Variants in EIF3A observed in about 807,000 individuals in gnomAD.
The protein encoded by EIF3A is eukaryotic translation initiation factor 3 subunit A, also known as EIF3, p180 subunit.
Under a neutral mutation model 186.6 loss-of-function variants are expected in EIF3A, and 21 were observed. That is an observed-to-expected ratio of 0.11 (90% confidence interval 0.08 to 0.16). The LOEUF is 0.16. Among genes scored for constraint, EIF3A ranks in the 10% least tolerant of loss-of-function variants. EIF3A has a pLI of 1.00. For synonymous variants in EIF3A, 563 were observed against 584.3 expected, an observed-to-expected ratio of 0.96 and a Z score of 0.52; for missense variants, 1,306 against 1,796.3, an observed-to-expected ratio of 0.73 and a Z score of 4.93.
chr10:119,080,644 G>A lies in EIF3A; in HGVS notation c.33C>T (p.Ala11=). The change falls in exon 1 of 22, where the codon GCC becomes GCT. Residue 11 remains alanine (A), a synonymous_variant. Transcript: ENST00000369144. The stretch of plus-strand genomic sequence containing the variant: ...GCTACTCACCGTTGGCGCGTTTGAG[G>A]GCATTTTCCGGCCTCTGAAAATAGG... MPAYFQRPEN[A]LKRANEFLEV... is the part of the protein sequence containing the mutation. The A allele has an allele frequency of 1.3e-6, 2 of 1,595,820 alleles. No homozygotes were observed. Among genetic ancestry groups the A allele is most frequent in the Non-Finnish European group, 1.7e-6 (2 of 1,172,602 alleles).
chr10:119,051,038 G>T (rs1185529681), intron 15 of EIF3A, among the ~76,000 whole-genome samples, 161 bp downstream of exon 15: 1 of 152,144 alleles, frequency 6.6e-6, no homozygotes, highest in Non-Finnish European at 1.5e-5. Flanking sequence ...CAATTTTGAT[G>T]ATTGTTTTGC....
At chr10:119,047,141 G>C (rs1339811332) in intron 17 of EIF3A, among the ~76,000 whole-genome samples, 1 of 152,012 alleles carries the variant, frequency 6.6e-6, no homozygotes, top group East Asian at 1.9e-4. Context: ...GGTGGCACAC[G>C]CCAGTAATCC....
intron 1 of EIF3A, among the ~76,000 whole-genome samples, chr10:119,074,428 G>A (rs1844124275): frequency 6.6e-6 from 1 of 151,804 alleles, no homozygotes. Context: ...TCGCACCATT[G>A]CACTCCAGCC....
intron 17 of EIF3A, among the ~76,000 whole-genome samples, chr10:119,045,806 G>T (rs966462298): frequency 3.9e-5 from 6 of 152,076 alleles, no homozygotes; most frequent in Admixed American, 1.3e-4. Context: ...CAAGCGATCC[G>T]CTTGCCTGCC....
chr10:119,037,731 TAATAA>T (rs1848152453), intron 20 of EIF3A, among the ~76,000 whole-genome samples: 1 of 152,078 alleles, frequency 6.6e-6, no homozygotes. Context: ...CTTCTACTAC[TAATAA>T]AATCAAAGGG....
At chr10:119,039,462 G>A (rs1052583519) in intron 19 of EIF3A, among the ~76,000 whole-genome samples, 1 of 152,066 alleles carries the variant, frequency 6.6e-6, no homozygotes, top group Non-Finnish European at 1.5e-5. Flanking sequence ...CTGGAGCCCA[G>A]GAGTTCAAGA....
intron 1 of EIF3A, among the ~76,000 whole-genome samples, chr10:119,075,927 C>T (rs534138259): frequency 1.5e-5 from 2 of 129,594 alleles, no homozygotes; most frequent in Admixed American, 8.5e-5. Flanking sequence ...GGGGTTTCAC[C>T]GTGTTAGCCA....
intron 15 of EIF3A, 80 bp from the exon 16 acceptor site, chr10:119,050,754 CAA>C: frequency 1.4e-6 from 2 of 1,471,904 alleles, no homozygotes; most frequent in Middle Eastern, 1.7e-4. Context: ...ATTAGGTTTA[CAA>C]AAGACTCTCA....
chr10:119,042,911 G>A lies in EIF3A; in HGVS notation c.2748-139C>T, dbSNP rs1320286044. ...CTCGCACCTTTAATCCCAGCACTCT[G>A]GGAAGCAGAGGCAGGCAGATCACCT... On this transcript the variant is annotated intron_variant, in intron 18 of 21. Coordinates refer to ENST00000369144, the MANE Select transcript of EIF3A (RefSeq NM_003750.4). The surrounding 1 kb of genome is among the most constrained non-coding windows in gnomAD (Gnocchi z 7.8). 1 of 886,892 alleles carries A rather than the reference G, an allele frequency of 1.1e-6. No homozygotes were observed. The allele number at this position is 886,892 out of a possible 1,614,324, so 54.9% of individuals were successfully genotyped here.
rs551569556 is a variant in EIF3A, at chr10:119,053,919, T to TATTG, written c.2197-2602_2197-2599dup. 1.8e-4 allele frequency among the ~76,000 whole-genome samples: 28 copies of TATTG among 152,236 alleles called. No homozygotes were observed. In the East Asian group the frequency reaches 3.1e-3, roughly 17 times the overall value. On this transcript the variant is annotated intron_variant, in intron 14 of 21. Coordinates refer to ENST00000369144, the MANE Select transcript of EIF3A (RefSeq NM_003750.4). Reference sequence around the variant, plus strand: ...CATACTTTTCTTCTGCAGCTTCCTTTATTGATTGATTGATTGATTGAGACA... The same window carrying TATTG: ...CATACTTTTCTTCTGCAGCTTCCTTTATTGATTGATTGATTGATTGATTGAGACA...
intron 1 of EIF3A, chr10:119,080,314 G>C: frequency 1.0e-6 from 1 of 985,442 alleles, no homozygotes; most frequent in Non-Finnish European, 1.2e-6. Flanking sequence ...AGAGGACGCA[G>C]GCAGCAAGGA....
At chr10:119,047,513 A>G (rs1294419811) in intron 17 of EIF3A, among the ~76,000 whole-genome samples, 1 of 152,204 alleles carries the variant, frequency 6.6e-6, no homozygotes, top group Non-Finnish European at 1.5e-5. Flanking sequence ...AAAATGTACA[A>G]AAGGGTGGAC....
chr10:119,046,651 T>A (rs608790), intron 17 of EIF3A, among the ~76,000 whole-genome samples: 2 of 152,056 alleles, frequency 1.3e-5, no homozygotes, highest in African/African-American at 2.4e-5. Flanking sequence ...GAAGTTTTTT[T>A]AAAAACTTAG....
intron 15 of EIF3A, 74 bp from the exon 16 acceptor site, chr10:119,050,748 G>A: frequency 6.5e-7 from 1 of 1,531,860 alleles, no homozygotes; most frequent in South Asian, 1.1e-5. Context: ...AAAGCTATTA[G>A]GTTTACAAAA....
intron 7 of EIF3A, among the ~76,000 whole-genome samples, chr10:119,063,349 A>G (rs931245831): frequency 6.6e-6 from 1 of 152,200 alleles, no homozygotes; most frequent in African/African-American, 2.4e-5. Flanking sequence ...CTGCATTACT[A>G]TGTCACAAAG....
intron 1 of EIF3A, among the ~76,000 whole-genome samples, chr10:119,077,703 C>T (rs948911053): frequency 3.9e-5 from 6 of 151,928 alleles, no homozygotes; most frequent in African/African-American, 4.8e-5. Flanking sequence ...TACAGGTGCC[C>T]GCCACCACAC....
intron 7 of EIF3A, among the ~76,000 whole-genome samples, chr10:119,062,914 A>AT (rs777014802): frequency 2.0e-3 from 292 of 144,050 alleles, no homozygotes; most frequent in African/African-American, 3.4e-3. Context: ...TGCCCAGCTA[A>AT]TTTTTTTTTT....
In EIF3A at chr10:119,070,906, T is replaced by C; in HGVS notation, c.721A>G (p.Ile241Val). The change falls in exon 5 of 22, where the codon ATC (isoleucine) becomes GTC (valine). Residue 241 changes from isoleucine (I) to valine (V), a missense_variant. Coordinates refer to ENST00000369144, the MANE Select transcript of EIF3A (RefSeq NM_003750.4). Reference sequence around the variant, plus strand: ...CATACCTGCCACAATTCCATGCTGATAGCACTGTCCAGCTGAACAAGTCTG... The same window carrying C: ...CATACCTGCCACAATTCCATGCTGACAGCACTGTCCAGCTGAACAAGTCTG... ...ETRLVQLDSA[I>V]SMELWQEAFK... is the part of the protein sequence containing the mutation. 6.2e-7 allele frequency: 1 copy of C among 1,613,252 alleles called. No homozygotes were observed. Among genetic ancestry groups the C allele is most frequent in the Non-Finnish European group, 8.5e-7 (1 of 1,179,168 alleles).
At chr10:119,078,376 G>A (rs1250545856) in intron 1 of EIF3A, among the ~76,000 whole-genome samples, 3 of 138,320 alleles carry the variant, frequency 2.2e-5, no homozygotes, top group African/African-American at 5.0e-5. Context: ...TGACCTGAAC[G>A]ACTATTCTAC....
Sources: gnomAD v4.1 joint callset for allele counts (sites outside exome capture counted in the v4.1 genomes callset) on GRCh38, gnomAD v4.1.1 for gene constraint, Gnocchi (gnomAD v3.1) non-coding constraint, MANE v1.5 for transcripts, NCBI Gene and HGNC (gene_info 2026-07-23, HGNC 2026-07-21) for gene names.